Variants in TTC38 observed in about 807,000 individuals in gnomAD.
TTC38 encodes the protein tetratricopeptide repeat domain 38.
A neutral mutation model predicts 64.2 loss-of-function variants in TTC38; 64 were observed. The ratio of observed to expected loss-of-function variants is 1.00; its 90% confidence interval spans 0.81 to 1.23. The LOEUF (loss-of-function observed/expected upper bound fraction) is 1.23, where lower values mean the gene tolerates loss of function less well. Ranked by LOEUF, TTC38 falls within the 50% of genes most tolerant of loss-of-function variation. TTC38 has a pLI of 0.00. For missense variants in TTC38, 573 were observed against 615.5 expected, an observed-to-expected ratio of 0.93 and a Z score of 0.73; for synonymous variants, 254 against 249.3, an observed-to-expected ratio of 1.02 and a Z score of -0.18.
intron 11 of TTC38, among the ~76,000 whole-genome samples, 166 bp downstream of exon 11, chr22:46,288,754 C>G (rs2077590339): frequency 6.6e-6 from 1 of 152,096 alleles, no homozygotes; most frequent in Admixed American, 6.5e-5. Context: ...AGATGTGCAT[C>G]CCCTGGTGCA....
In TTC38 at chr22:46,274,378, T is replaced by C. The variant is rs1351767802; in HGVS notation, c.365+309T>C. ...GGGTCACACTACAGAAATTACTAGGTTAGGGAAGAGAGAAGAAAACATGCT... is the reference window on the plus strand; with the variant it reads ...GGGTCACACTACAGAAATTACTAGGCTAGGGAAGAGAGAAGAAAACATGCT... On this transcript the variant is annotated intron_variant, in intron 4 of 13. Transcript: ENST00000381031. The surrounding 1 kb of genome is among the most constrained non-coding windows in gnomAD (Gnocchi z 4.8). Among the ~76,000 whole-genome samples the C allele has an allele frequency of 6.6e-6, 1 of 152,148 alleles. No individual in the cohort carries two copies. The highest frequency in any genetic ancestry group is 1.5e-5 in the Non-Finnish European group (1 of 68,026).
At chr22:46,284,099 A>G (rs774872129) in intron 8 of TTC38, 67 bp downstream of exon 8, 133 of 1,380,016 alleles carry the variant, frequency 9.6e-5, no homozygotes, top group Non-Finnish European at 1.3e-4. Context: ...AGATTTTTCT[A>G]GCTTTTGCTA....
In TTC38 at chr22:46,276,703, GAATATATATATTAAA is replaced by G. The variant is rs1250248807; in HGVS notation, c.539+1300_539+1314del. 6.5e-5 allele frequency among the ~76,000 whole-genome samples: 9 copies of G among 138,546 alleles called. No homozygotes were observed. Among genetic ancestry groups the G allele is most frequent in the East Asian group, 4.1e-4 (2 of 4,836 alleles). The allele number at this position is 138,546 out of a possible 152,430, so 90.9% of individuals were successfully genotyped here. Reference sequence around the variant, plus strand: ...GCAGAGCAAGACTCTGTATCTAAAAGAATATATATATTAAAAATATATATATTAAAAAAATATATA... The same window carrying G: ...GCAGAGCAAGACTCTGTATCTAAAAGAATATATATATTAAAAAAATATATA... On this transcript the variant is annotated intron_variant, in intron 5 of 13. Transcript: ENST00000381031. This position sits in a 1 kb window ranked among gnomAD's most constrained non-coding sequence, Gnocchi z 4.7.
rs2077600574 is a variant in TTC38 at position 46,289,850 on chromosome 22, A to T, written c.1267A>T (p.Ile423Phe). The T allele has an allele frequency of 1.2e-6, 2 of 1,614,126 alleles. No homozygotes were observed. Among genetic ancestry groups the T allele is most frequent in the Non-Finnish European group, 1.7e-6 (2 of 1,180,016 alleles). ...GAGAGACGTCTTCAACCAGCTGCTG[A>T]TTCACGCGGCCTTAAACTGCACCTC... ...AQRDVFNQLL[I>F]HAALNCTSSV... The change falls in exon 13 of 14, where the codon ATT becomes TTT. Residue 423 changes from isoleucine to phenylalanine, a missense_variant. Transcript: ENST00000381031.
Position 46,275,147 on chromosome 22 carries a change from C to A in TTC38, c.366-101C>A, listed in dbSNP as rs1936979519. On this transcript the variant is annotated intron_variant, in intron 4 of 13. Transcript: ENST00000381031. The surrounding 1 kb of genome is among the most constrained non-coding windows in gnomAD (Gnocchi z 4.5). ...GAAACTGATTTTTAAAAAAACACAT[C>A]CATGTAGACCATGACACTGGTGAGA... is the stretch of plus-strand genomic sequence containing the variant. The A allele has an allele frequency of 1.5e-5, 17 of 1,163,062 alleles. No homozygotes were observed. The South Asian group carries it at 2.4e-4, about 17-fold the overall frequency. The allele number at this position is 1,163,062 out of a possible 1,614,324, so 72.0% of individuals were successfully genotyped here.
rs1936883610 is a variant in TTC38, at chr22:46,271,037, G to C, written c.112-1298G>C. Among the ~76,000 whole-genome samples the C allele has an allele frequency of 6.6e-6, 1 of 151,978 alleles. No homozygotes were observed. Among genetic ancestry groups the C allele is most frequent in the African/African-American group, 2.4e-5 (1 of 41,364 alleles). Reference sequence around the variant, plus strand: ...AATTAAAAAAAAAATGATAAAATGAGCTTTGGGTAAGTTTTATCTTTCAGC... The same window carrying C: ...AATTAAAAAAAAAATGATAAAATGACCTTTGGGTAAGTTTTATCTTTCAGC... On this transcript the variant is annotated intron_variant, in intron 2 of 13. Transcript: ENST00000381031. This position sits in a 1 kb window ranked among gnomAD's most constrained non-coding sequence, Gnocchi z 5.5.
Position 46,291,372 on chromosome 22 carries a change from G to C in TTC38, c.1317-1419G>C, listed in dbSNP as rs562277319. On this transcript the variant is annotated intron_variant, in intron 13 of 13. Transcript: ENST00000381031. This position sits in a 1 kb window ranked among gnomAD's most constrained non-coding sequence, Gnocchi z 4.6. Reference sequence around the variant, plus strand: ...GGCAGTGCCGATGTGGCCTTCTGCGGGGCCCAGTGGGGGAGGGCAGGGGGA... The same window carrying C: ...GGCAGTGCCGATGTGGCCTTCTGCGCGGCCCAGTGGGGGAGGGCAGGGGGA... Among the ~76,000 whole-genome samples, 1 of 152,086 alleles carries C rather than the reference G, an allele frequency of 6.6e-6. No homozygotes were observed. The highest frequency in any genetic ancestry group is 1.5e-5 in the Non-Finnish European group (1 of 68,012).
Position 46,276,736 on chromosome 22 carries a change from A to AT in TTC38, c.539+1315_539+1316insT, listed in dbSNP as rs921651940. Among the ~76,000 whole-genome samples, 38 of 138,658 alleles carry AT rather than the reference A, an allele frequency of 2.7e-4. No individual in the cohort carries two copies. Among genetic ancestry groups the AT allele is most frequent in the Non-Finnish European group, 4.6e-4 (30 of 65,892 alleles). The allele number at this position is 138,658 out of a possible 152,430, so 91.0% of individuals were successfully genotyped here. On this transcript the variant is annotated intron_variant, in intron 5 of 13. Coordinates refer to ENST00000381031, the MANE Select transcript of TTC38 (RefSeq NM_017931.4). The surrounding 1 kb of genome is among the most constrained non-coding windows in gnomAD (Gnocchi z 4.7). ...ATATTAAAAATATATATATTAAAAA[A>AT]ATATATATAAAATACATATATTAAA...
chr22:46,277,474 A>G (rs1041467089), intron 5 of TTC38, among the ~76,000 whole-genome samples: 8 of 152,126 alleles, frequency 5.3e-5, no homozygotes, highest in Non-Finnish European at 1.0e-4. Context: ...GCGAGGTGGC[A>G]TGTGCCTGTA....
intron 11 of TTC38, among the ~76,000 whole-genome samples, chr22:46,288,993 A>G (rs11703245): frequency 0.072 from 10,897 of 152,308 alleles, 532 homozygotes; most frequent in Non-Finnish European, 0.11. Context: ...AATCAGGGCG[A>G]TGCCTGGCAA....
At position 46,278,527 on chromosome 22, in the gene TTC38, A is replaced by T. The variant is rs1304282524; in HGVS notation, c.540-59A>T. The T allele has an allele frequency of 2.1e-6, 3 of 1,436,898 alleles. No individual in the cohort carries two copies. The African/African-American group carries it at 4.2e-5, about 20-fold the overall frequency. 89.0% of individuals were successfully genotyped at this position (1,436,898 alleles called of 1,614,324 possible). On this transcript the variant is annotated intron_variant, in intron 5 of 13. Transcript: ENST00000381031. ...CCTCAGTGTATCTTTGCGGGGACAC[A>T]GTTCAACCTGCTACCCATCCATCAT...
intron 13 of TTC38, 34 bp downstream of exon 13, chr22:46,289,933 C>G (rs773624036): frequency 6.3e-7 from 1 of 1,588,422 alleles, no homozygotes; most frequent in Non-Finnish European, 8.6e-7. Flanking sequence ...CACTCCCGAC[C>G]TTCACAGGCT....
At position 46,272,753 on chromosome 22, in the gene TTC38, A is replaced by G. The variant is rs1936922417; in HGVS notation, c.193+337A>G. Among the ~76,000 whole-genome samples, 1 of 152,002 alleles carries G rather than the reference A, an allele frequency of 6.6e-6. No homozygotes were observed. The highest frequency in any genetic ancestry group is 6.6e-5 in the Admixed American group (1 of 15,250). On this transcript the variant is annotated intron_variant, in intron 3 of 13. Coordinates refer to ENST00000381031, the MANE Select transcript of TTC38 (RefSeq NM_017931.4). The surrounding 1 kb of genome is among the most constrained non-coding windows in gnomAD (Gnocchi z 6.4). The stretch of plus-strand genomic sequence containing the variant: ...CTTAAAGCCACCCAGCTGGTGGTTG[A>G]CCCCTGGGATTAGATAAAGCTTCCT...
At position 46,282,591 on chromosome 22, in the gene TTC38, T is replaced by C. The variant is rs1288719970; in HGVS notation, c.735+873T>C. Among the ~76,000 whole-genome samples, 1 of 152,120 alleles carries C rather than the reference T, an allele frequency of 6.6e-6. No homozygotes were observed. The highest frequency in any genetic ancestry group is 1.9e-4 in the East Asian group (1 of 5,178). On this transcript the variant is annotated intron_variant, in intron 7 of 13. Coordinates refer to ENST00000381031, the MANE Select transcript of TTC38 (RefSeq NM_017931.4). The surrounding 1 kb of genome is among the most constrained non-coding windows in gnomAD (Gnocchi z 4.4). ...GCACTTGGCTCCCAAGCAGGGGCCATGCAGTCTGAGCCTTGCTGCGGAGGA... is the reference window on the plus strand; with the variant it reads ...GCACTTGGCTCCCAAGCAGGGGCCACGCAGTCTGAGCCTTGCTGCGGAGGA...
rs1050063684 is a variant in TTC38 at position 46,273,125 on chromosome 22, G to A, written c.193+709G>A. 3.3e-5 allele frequency among the ~76,000 whole-genome samples: 5 copies of A among 152,304 alleles called. No individual in the cohort carries two copies. The highest frequency in any genetic ancestry group is 5.9e-5 in the Non-Finnish European group (4 of 68,010). On this transcript the variant is annotated intron_variant, in intron 3 of 13. Coordinates refer to ENST00000381031, the MANE Select transcript of TTC38 (RefSeq NM_017931.4). This position sits in a 1 kb window ranked among gnomAD's most constrained non-coding sequence, Gnocchi z 5.1. ...AACAAGGAAATAACTGGGGGAGAAC[G>A]GGGGAGCCAAACCCAGTCATGGGGA... is the stretch of plus-strand genomic sequence containing the variant.
intron 5 of TTC38, among the ~76,000 whole-genome samples, chr22:46,277,042 TACATAC>T (rs1269920684): frequency 1.2e-3 from 83 of 71,452 alleles, no homozygotes; most frequent in African/African-American, 4.1e-3. Context: ...TACATATATA[TACATAC>T]ACACACACAC....
intron 9 of TTC38, 38 bp downstream of exon 9, chr22:46,285,317 AT>A (rs1345914966): frequency 6.2e-7 from 1 of 1,611,056 alleles, no homozygotes; most frequent in Non-Finnish European, 8.5e-7. Context: ...TTGTTGCAGC[AT>A]TTTGCCTTTG....
rs1285280786 is a variant in TTC38 at position 46,276,185 on chromosome 22, T to C, written c.539+764T>C. On this transcript the variant is annotated intron_variant, in intron 5 of 13. Transcript: ENST00000381031. The surrounding 1 kb of genome is among the most constrained non-coding windows in gnomAD (Gnocchi z 4.7). ...ATTTTAAGGAATTGGCTCATGTGAG[T>C]GTGAGGGCTGGCAAGTTCAAAATCT... Among the ~76,000 whole-genome samples the C allele has an allele frequency of 1.3e-5, 2 of 152,002 alleles. No homozygotes were observed. The highest frequency in any genetic ancestry group is 1.3e-4 in the Admixed American group (2 of 15,264).
At chr22:46,269,990 C>T (rs1936859824) in intron 2 of TTC38, among the ~76,000 whole-genome samples, 1 of 152,150 alleles carries the variant, frequency 6.6e-6, no homozygotes, top group Admixed American at 6.5e-5. Context: ...GACGGGGTTT[C>T]ACCATGTTGG....
Sources: allele counts gnomAD v4.1 joint callset (sites outside exome capture counted in the v4.1 genomes callset), GRCh38; gene constraint gnomAD v4.1.1; non-coding constraint Gnocchi (gnomAD v3.1); transcripts MANE v1.5; gene names NCBI Gene and HGNC (gene_info 2026-07-23, HGNC 2026-07-21).